The following AMMECR1 variants were observed in gnomAD, a reference collection of about 807,000 sequenced individuals.
The protein encoded by AMMECR1 is AMMECR nuclear protein 1.
AMMECR1 carries 3 observed loss-of-function variants against 22.5 expected under a neutral mutation model. That is an observed-to-expected ratio of 0.13 (90% CI 0.06 to 0.35). The LOEUF (loss-of-function observed/expected upper bound fraction) is 0.35, where lower values mean the gene tolerates loss of function less well. Among genes scored for constraint, AMMECR1 ranks in the 10% least tolerant of loss-of-function variants. AMMECR1 has a pLI of 1.00. For synonymous variants in AMMECR1, 130 were observed against 116.7 expected, an observed-to-expected ratio of 1.11 and a Z score of -0.74; for missense variants, 235 against 278.7, an observed-to-expected ratio of 0.84 and a Z score of 1.12.
intron 2 of AMMECR1, among the ~76,000 whole-genome samples, chrX:110,329,166 A>G (rs1018289782): frequency 8.9e-6 from 1 of 112,536 alleles, no homozygotes; most frequent in Non-Finnish European, 1.9e-5. Context: ...TCTAAGTGGC[A>G]TGAAATGGTA....
intron 3 of AMMECR1, among the ~76,000 whole-genome samples, chrX:110,202,913 A>AACC (rs1366458518): frequency 1.8e-5 from 2 of 111,859 alleles, no homozygotes; most frequent in Non-Finnish European, 3.8e-5. Flanking sequence ...GATAGCAAAC[A>AACC]ACCATCCTGT....
At chrX:110,341,992 G>A (rs1485014505) in intron 2 of AMMECR1, among the ~76,000 whole-genome samples, 1 of 110,835 alleles carries the variant, frequency 9.0e-6, no homozygotes, top group Non-Finnish European at 1.9e-5. Context: ...CTGGGAGGTC[G>A]AGGCTGCAGT....
chrX:110,332,718 A>G (rs1227217879), intron 2 of AMMECR1, among the ~76,000 whole-genome samples: 1 of 111,563 alleles, frequency 9.0e-6, no homozygotes, highest in Non-Finnish European at 1.9e-5. Flanking sequence ...TTTTGATTTC[A>G]GAAGCCTAGG....
At chrX:110,377,027 G>T (rs2148269447) in intron 2 of AMMECR1, among the ~76,000 whole-genome samples, 1 of 111,799 alleles carries the variant, frequency 8.9e-6, no homozygotes, top group Admixed American at 9.4e-5. Context: ...CTGCAGTAGT[G>T]GTAGGCAGTG....
At chrX:110,259,173 T>A (rs755271969) in intron 2 of AMMECR1, among the ~76,000 whole-genome samples, 5 of 110,598 alleles carry the variant, frequency 4.5e-5, no homozygotes, top group African/African-American at 1.6e-4. Flanking sequence ...CCCCTCAAAC[T>A]CCCCTGACAC....
At chrX:110,230,055 G>C (rs1287192316) in intron 2 of AMMECR1, among the ~76,000 whole-genome samples, 1 of 113,141 alleles carries the variant, frequency 8.8e-6, no homozygotes, top group Non-Finnish European at 1.9e-5. Context: ...ACTGCCTCTA[G>C]ACTCCACCTC....
intron 2 of AMMECR1, among the ~76,000 whole-genome samples, chrX:110,244,607 T>A (rs2067649328): frequency 8.9e-6 from 1 of 112,100 alleles, no homozygotes; most frequent in East Asian, 2.8e-4. Flanking sequence ...TTTGTGTACA[T>A]GCCAATTTCC....
intron 2 of AMMECR1, among the ~76,000 whole-genome samples, chrX:110,245,220 A>C (rs1449919687): frequency 8.9e-6 from 1 of 112,072 alleles, no homozygotes; most frequent in Non-Finnish European, 1.9e-5. Context: ...CAAAATCACA[A>C]CTTGGAAGTG....
intron 1 of AMMECR1, among the ~76,000 whole-genome samples, chrX:110,269,549 G>A (rs1386207554): frequency 3.6e-5 from 4 of 109,939 alleles, no homozygotes; most frequent in Non-Finnish European, 7.6e-5. Flanking sequence ...TACAGGAAAA[G>A]AGAGAAGCCC....
At position 110,216,597 on chromosome X, in the gene AMMECR1, C is replaced by T; in HGVS notation, c.620G>A (p.Arg207Lys). 1 of 1,207,373 alleles carries T rather than the reference C, an allele frequency of 8.3e-7. No individual in the cohort carries two copies. Among genetic ancestry groups the T allele is most frequent in the Non-Finnish European group, 1.1e-6 (1 of 892,218 alleles). ...GCAGAAAAGCCGTGGCAGCTCATCC[C>T]TTGTCATTGGGGGAAAACGGCTATC... ...LKDSRFPPMT[R>K]DELPRLFCSV... is the part of the protein sequence containing the mutation. Residue 207 changes from arginine to lysine, a missense_variant, in exon 3 of 6, where the codon AGG becomes AAG. By Grantham distance (26) the Arg-to-Lys change is conservative (BLOSUM62 2). Coordinates refer to ENST00000262844, the MANE Select transcript of AMMECR1 (RefSeq NM_015365.3).
In AMMECR1 at chrX:110,223,448, C is replaced by A. The variant is rs1006889207; in HGVS notation, c.585-6816G>T. ...CACCATAACAACAGTGCTCTCGAGGCCTTGGCAAGAAAAAAATGTGTGGGT... is the reference window on the plus strand; with the variant it reads ...CACCATAACAACAGTGCTCTCGAGGACTTGGCAAGAAAAAAATGTGTGGGT... On this transcript the variant is annotated intron_variant, in intron 2 of 5. Transcript: ENST00000262844. 7.2e-5 allele frequency among the ~76,000 whole-genome samples: 8 copies of A among 111,537 alleles called. No homozygotes were observed. In the Admixed American group the frequency reaches 7.6e-4, roughly 11 times the overall value.
chrX:110,372,928 G>T (rs1237162225), intron 2 of AMMECR1, among the ~76,000 whole-genome samples: 1 of 111,851 alleles, frequency 8.9e-6, no homozygotes, highest in Non-Finnish European at 1.9e-5. Flanking sequence ...ATAAAACAAA[G>T]AGTAGAAGGA....
chrX:110,382,767 C>T (rs147132331), intron 2 of AMMECR1, among the ~76,000 whole-genome samples: 2,916 of 111,879 alleles, frequency 0.026, 91 homozygotes, highest in African/African-American at 0.089. Flanking sequence ...AATCAAAGCC[C>T]TTCTCCCCAT....
chrX:110,269,470 A>C (rs1408978882), intron 1 of AMMECR1, among the ~76,000 whole-genome samples: 1 of 107,474 alleles, frequency 9.3e-6, no homozygotes, highest in Non-Finnish European at 1.9e-5. Context: ...ATCTCTACCA[A>C]TGCAATAATA....
chrX:110,434,596 G>A (rs2068822532), intron 1 of AMMECR1, among the ~76,000 whole-genome samples: 1 of 111,815 alleles, frequency 8.9e-6, no homozygotes, highest in African/African-American at 3.3e-5. Flanking sequence ...TGGGTCCGTG[G>A]TGATACTGTC....
intron 1 of AMMECR1, among the ~76,000 whole-genome samples, chrX:110,427,920 A>G (rs963739605): frequency 9.0e-6 from 1 of 110,939 alleles, no homozygotes; most frequent in African/African-American, 3.3e-5. Context: ...AGCTAACACC[A>G]TCTCATCTAC....
intron 2 of AMMECR1, among the ~76,000 whole-genome samples, chrX:110,409,818 C>T (rs2068629300): frequency 9.0e-6 from 1 of 111,444 alleles, no homozygotes; most frequent in African/African-American, 3.3e-5. Context: ...GGCAGCACCT[C>T]ACTTAGAGAT....
chrX:110,318,204 G>A, upstream of AMMECR1: 1 of 413,272 alleles, frequency 2.4e-6, no homozygotes, highest in East Asian at 1.5e-4. Context: ...GCCGCTCCCG[G>A]CCCCGTCTGC....
upstream of AMMECR1, among the ~76,000 whole-genome samples, chrX:110,320,665 G>C (rs1021954573): frequency 8.9e-6 from 1 of 112,186 alleles, no homozygotes; most frequent in Non-Finnish European, 1.9e-5. Context: ...TGGCTATCCT[G>C]CCAGGCTAAG....
Sources: allele counts gnomAD v4.1 joint callset (sites outside exome capture counted in the v4.1 genomes callset), GRCh38; gene constraint gnomAD v4.1.1; transcripts MANE v1.5; gene names NCBI Gene and HGNC (gene_info 2026-07-23, HGNC 2026-07-21).